The following ACYP2 variants were observed in gnomAD, a reference collection of about 807,000 sequenced individuals.
The protein encoded by ACYP2 is acylphosphatase 2.
A neutral mutation model predicts 11.2 loss-of-function variants in ACYP2; 12 were observed. The observed-to-expected ratio is 1.08, with a 90% confidence interval of 0.69 to 1.74. The LOEUF (loss-of-function observed/expected upper bound fraction) is 1.74. ACYP2 is among the 40% of genes most tolerant of loss of function. ACYP2 has a pLI of 0.00. For synonymous variants in ACYP2, 43 were observed against 32.2 expected (o/e 1.33, Z -1.13); for missense variants, 134 against 101.9 (o/e 1.31, Z -1.35).
In ACYP2 at chr2:54,254,701, G is replaced by A. The variant is rs1687406083; in HGVS notation, c.405-49987G>A. ...GATGTGACCCATCGGCTGGGAGCATGTGATGTTAATGCAGAATAGCAAGAC... is the reference window on the plus strand; with the variant it reads ...GATGTGACCCATCGGCTGGGAGCATATGATGTTAATGCAGAATAGCAAGAC... On this transcript the variant is annotated intron_variant, in intron 6 of 6. Transcript: ENST00000607452. 7.3e-6 allele frequency: 4 copies of A among 548,588 alleles called. No individual in the cohort carries two copies. The South Asian group carries it at 8.1e-5, about 11-fold the overall frequency. 34.0% of individuals were successfully genotyped at this position (548,588 alleles called of 1,614,324 possible). A position where few individuals can be genotyped will look rare whatever the true frequency, so the allele number is the denominator to read the frequency against.
chr2:54,198,281 C>T (rs935358526), intron 6 of ACYP2, among the ~76,000 whole-genome samples: 7 of 152,110 alleles, frequency 4.6e-5, no homozygotes, highest in Non-Finnish European at 1.0e-4. Flanking sequence ...TCCCAAAGTG[C>T]TGGGATTACA....
At chr2:54,187,891 T>G (rs1442034257) in intron 6 of ACYP2, among the ~76,000 whole-genome samples, 1 of 152,182 alleles carries the variant, frequency 6.6e-6, no homozygotes, top group Non-Finnish European at 1.5e-5. Context: ...CACTGATGGA[T>G]AATGCCGCTA....
At chr2:54,091,936 T>A (rs1206921761) in intron 4 of ACYP2, among the ~76,000 whole-genome samples, 1 of 151,950 alleles carries the variant, frequency 6.6e-6, no homozygotes, top group Non-Finnish European at 1.5e-5. Context: ...AGAAAGAAAG[T>A]GTTTGTAATA....
chr2:54,259,074 C>A (rs1276061824), intron 6 of ACYP2, among the ~76,000 whole-genome samples: 6 of 152,194 alleles, frequency 3.9e-5, no homozygotes, highest in Non-Finnish European at 8.8e-5. Flanking sequence ...CCCCACCTCC[C>A]AGCATGGGGT....
chr2:54,238,731 C>A (rs1179756906), intron 6 of ACYP2, among the ~76,000 whole-genome samples: 1 of 151,800 alleles, frequency 6.6e-6, no homozygotes. Context: ...GCATTATTTT[C>A]CAGTGACTTA....
chr2:54,048,830 A>G (rs1023365149), intron 2 of ACYP2, among the ~76,000 whole-genome samples: 1 of 152,262 alleles, frequency 6.6e-6, no homozygotes, highest in African/African-American at 2.4e-5. Flanking sequence ...TGAAATTCCC[A>G]GGGACTGCAC....
intron 2 of ACYP2, among the ~76,000 whole-genome samples, chr2:54,001,127 G>T (rs988943030): frequency 3.3e-5 from 5 of 152,190 alleles, no homozygotes; most frequent in African/African-American, 1.2e-4. Flanking sequence ...GGCTGAGGCA[G>T]GAGGATTGAT....
chr2:54,248,818 AT>A (rs1331985470), intron 6 of ACYP2, among the ~76,000 whole-genome samples: 2 of 152,244 alleles, frequency 1.3e-5, no homozygotes, highest in East Asian at 1.9e-4. Context: ...ATTTTTATGA[AT>A]TATAAATTCT....
chr2:54,034,708 A>G (rs1674779556), intron 2 of ACYP2, among the ~76,000 whole-genome samples: 1 of 152,154 alleles, frequency 6.6e-6, no homozygotes, highest in African/African-American at 2.4e-5. Context: ...TCAATAGTGT[A>G]ATGGTTAAAA....
intron 2 of ACYP2, among the ~76,000 whole-genome samples, chr2:53,990,858 G>A (rs551511555): frequency 2.6e-5 from 4 of 151,628 alleles, no homozygotes; most frequent in African/African-American, 4.8e-5. Context: ...GTGCGGTGGC[G>A]CGATCTCGGC....
chr2:54,253,145 T>C (rs1256728816), intron 6 of ACYP2: 3 of 152,234 alleles, frequency 2.0e-5, no homozygotes, highest in East Asian at 3.8e-4. Context: ...ACTAAGTTGT[T>C]ACCAGGACAA....
intron 2 of ACYP2, among the ~76,000 whole-genome samples, chr2:53,995,470 T>G (rs1367188274): frequency 7.3e-6 from 1 of 137,616 alleles, no homozygotes; most frequent in Admixed American, 7.0e-5. Context: ...GCTATTATTT[T>G]TTATTTATTT....
chr2:54,209,270 T>C (rs1004467749), intron 6 of ACYP2, among the ~76,000 whole-genome samples: 1 of 152,244 alleles, frequency 6.6e-6, no homozygotes, highest in Non-Finnish European at 1.5e-5. Flanking sequence ...TGACTCTTGG[T>C]TGTTGTACTT....
intron 2 of ACYP2, among the ~76,000 whole-genome samples, chr2:54,038,581 A>G (rs1408213937): frequency 6.7e-6 from 1 of 149,768 alleles, no homozygotes; most frequent in Non-Finnish European, 1.5e-5. Context: ...CAGAGTGTTC[A>G]GTAACTTTAT....
intron 4 of ACYP2, among the ~76,000 whole-genome samples, chr2:54,094,167 G>T (rs1678387512): frequency 6.6e-6 from 1 of 152,014 alleles, no homozygotes; most frequent in South Asian, 2.1e-4. Context: ...ACTCATGGTT[G>T]GCTTGCAAAA....
intron 6 of ACYP2, among the ~76,000 whole-genome samples, chr2:54,157,911 C>G (rs1432425193): frequency 3.9e-5 from 6 of 152,178 alleles, no homozygotes; most frequent in African/African-American, 1.4e-4. Flanking sequence ...TGCACCAGTG[C>G]AGGTAGTGGG....
intron 6 of ACYP2, among the ~76,000 whole-genome samples, chr2:54,147,015 C>T (rs1424964774): frequency 6.6e-6 from 1 of 151,278 alleles, no homozygotes; most frequent in African/African-American, 2.4e-5. Flanking sequence ...AGGCTGGTCT[C>T]AAACTCCTGA....
chr2:54,221,891 A>T (rs1685816114), intron 6 of ACYP2, among the ~76,000 whole-genome samples: 1 of 152,100 alleles, frequency 6.6e-6, no homozygotes, highest in African/African-American at 2.4e-5. Flanking sequence ...TTTAAAATAA[A>T]CCTGGCTGGC....
chr2:54,050,423 C>T (rs1233492282), intron 2 of ACYP2, among the ~76,000 whole-genome samples: 2 of 151,674 alleles, frequency 1.3e-5, no homozygotes, highest in African/African-American at 4.8e-5. Flanking sequence ...GTGGCACGTG[C>T]CTGTAGTCCC....
Sources: allele counts gnomAD v4.1 joint callset (sites outside exome capture counted in the v4.1 genomes callset), GRCh38; gene constraint gnomAD v4.1.1; transcripts MANE v1.5; gene names NCBI Gene and HGNC (gene_info 2026-07-23, HGNC 2026-07-21).